The following CDH13 variants were observed in gnomAD, a reference collection of about 807,000 sequenced individuals.
CDH13 encodes cadherin 13.
A neutral mutation model predicts 63.8 loss-of-function variants in CDH13; 24 were observed. The ratio of observed to expected loss-of-function variants is 0.38; its 90% CI spans 0.27 to 0.53. The LOEUF is 0.53. Among genes scored for constraint, CDH13 ranks in the 20% least tolerant of loss-of-function variants. The pLI is 0.85. For synonymous variants in CDH13, 503 were observed against 355.3 expected (o/e 1.42, Z -4.67); for missense variants, 1,049 against 903.1 (o/e 1.16, Z -2.07).
In CDH13 at chr16:83,354,939, C is replaced by T. The variant is rs544268855; in HGVS notation, c.781+9933C>T. ...GCACCATATTGGTAGAATTGGGTAGCGGGGACACAGACTGTATATTCCACA... is the reference window on the plus strand; with the variant it reads ...GCACCATATTGGTAGAATTGGGTAGTGGGGACACAGACTGTATATTCCACA... On this transcript the variant is annotated intron_variant, in intron 6 of 13. Transcript: ENST00000567109. 3.9e-5 allele frequency among the ~76,000 whole-genome samples: 6 copies of T among 152,264 alleles called. No homozygotes were observed. In the East Asian group the frequency reaches 1.2e-3, roughly 29 times the overall value.
chr16:82,821,368 C>T (rs984831602), intron 1 of CDH13, among the ~76,000 whole-genome samples: 14 of 152,162 alleles, frequency 9.2e-5, no homozygotes, highest in African/African-American at 2.9e-4. Context: ...ACTAATGAGA[C>T]GATTCGAGGC....
intron 3 of CDH13, among the ~76,000 whole-genome samples, chr16:83,054,447 A>G (rs1365480467): frequency 6.6e-6 from 1 of 152,218 alleles, no homozygotes; most frequent in Non-Finnish European, 1.5e-5. Flanking sequence ...ATAACTACAC[A>G]GCTACTGAGT....
At chr16:83,369,771 T>C (rs1364447206) in intron 6 of CDH13, among the ~76,000 whole-genome samples, 1 of 152,078 alleles carries the variant, frequency 6.6e-6, no homozygotes, top group Non-Finnish European at 1.5e-5. Context: ...ACCCCACTCC[T>C]CCTAGGTCAC....
At chr16:82,750,214 G>A (rs1280660004) in intron 1 of CDH13, among the ~76,000 whole-genome samples, 1 of 152,170 alleles carries the variant, frequency 6.6e-6, no homozygotes, top group East Asian at 1.9e-4. Flanking sequence ...GATGGTGGGG[G>A]TATCTGTGGC....
chr16:83,320,258 C>A (rs1044212588), intron 5 of CDH13, among the ~76,000 whole-genome samples: 1 of 151,844 alleles, frequency 6.6e-6, no homozygotes, highest in African/African-American at 2.4e-5. Context: ...GTTGCCCAGG[C>A]TAGTCTCAAA....
chr16:82,907,428 A>T (rs1006889125), intron 2 of CDH13, among the ~76,000 whole-genome samples: 4 of 152,070 alleles, frequency 2.6e-5, no homozygotes, highest in African/African-American at 9.7e-5. Flanking sequence ...GATATAGTGA[A>T]TTTTCCCAAG....
intron 2 of CDH13, among the ~76,000 whole-genome samples, chr16:82,936,545 A>G (rs910810560): frequency 6.6e-6 from 1 of 152,148 alleles, no homozygotes; most frequent in African/African-American, 2.4e-5. Context: ...AAGACTGCTG[A>G]TCTATAGGGT....
chr16:83,199,624 T>C (rs1047632217), intron 4 of CDH13, among the ~76,000 whole-genome samples: 4 of 152,172 alleles, frequency 2.6e-5, no homozygotes, highest in Non-Finnish European at 5.9e-5. Context: ...GAAAAACATT[T>C]TAAACCCTTT....
At chr16:83,563,901 G>A (rs971952804) in intron 7 of CDH13, among the ~76,000 whole-genome samples, 29 of 152,122 alleles carry the variant, frequency 1.9e-4, no homozygotes, top group Non-Finnish European at 4.0e-4. Context: ...TGAAGTTACT[G>A]TGAGTGCACA....
At chr16:83,436,219 G>A (rs1350739550) in intron 6 of CDH13, among the ~76,000 whole-genome samples, 2 of 152,166 alleles carry the variant, frequency 1.3e-5, no homozygotes, top group Non-Finnish European at 2.9e-5. Flanking sequence ...TGCAACAAAT[G>A]ACTCTTGATC....
chr16:83,055,637 C>T (rs187376783), intron 3 of CDH13, among the ~76,000 whole-genome samples: 172 of 151,956 alleles, frequency 1.1e-3, no homozygotes, highest in African/African-American at 3.7e-3. Flanking sequence ...ATTCCAAGTC[C>T]AGATGGCTTC....
intron 1 of CDH13, among the ~76,000 whole-genome samples, chr16:82,722,711 A>T (rs925733409): frequency 3.9e-5 from 6 of 152,194 alleles, no homozygotes; most frequent in Non-Finnish European, 8.8e-5. Flanking sequence ...CTGCCATTGT[A>T]TGCAAGCTCT....
chr16:83,373,188 G>A (rs2091403408), intron 6 of CDH13, among the ~76,000 whole-genome samples: 1 of 152,160 alleles, frequency 6.6e-6, no homozygotes, highest in Non-Finnish European at 1.5e-5. Context: ...CATCCCAATA[G>A]GAAGCAGACG....
rs570829769 is a variant in CDH13, at chr16:83,623,598, GTC to G, written c.1101+21006_1101+21007del. Among the ~76,000 whole-genome samples, 18 of 152,270 alleles carry G rather than the reference GTC, an allele frequency of 1.2e-4. No homozygotes were observed. In the East Asian group the frequency reaches 3.5e-3, roughly 29 times the overall value. ...GGCAGCTCTACAAATAGGAACAGGT[GTC>G]TTTGCTAATCGCCCCTGAATGCACG... On this transcript the variant is annotated intron_variant, in intron 8 of 13. Transcript: ENST00000567109.
intron 1 of CDH13, among the ~76,000 whole-genome samples, chr16:82,838,878 T>C (rs9934566): frequency 0.32 from 48,369 of 152,094 alleles, 8,883 homozygotes; most frequent in East Asian, 0.81. Context: ...CTCTGGCTTT[T>C]AGTGGGTTCA....
chr16:83,647,312 CAAA>C (rs772041222), intron 8 of CDH13, among the ~76,000 whole-genome samples: 17 of 86,392 alleles, frequency 2.0e-4, no homozygotes, highest in East Asian at 4.3e-4. Flanking sequence ...GACTCTGTCT[CAAA>C]AAAAAAAAAA....
At chr16:83,681,945 G>A (rs1001531973) in intron 10 of CDH13, among the ~76,000 whole-genome samples, 6 of 152,146 alleles carry the variant, frequency 3.9e-5, no homozygotes, top group South Asian at 2.1e-4. Context: ...AACTTAGCTG[G>A]AAAAGAACTC....
intron 4 of CDH13, among the ~76,000 whole-genome samples, chr16:83,145,945 G>C (rs2036727745): frequency 1.3e-5 from 2 of 152,136 alleles, no homozygotes; most frequent in African/African-American, 4.8e-5. Flanking sequence ...CCGGATGCTG[G>C]AACTTTGGGA....
At position 83,783,422 on chromosome 16, in the gene CDH13, T is replaced by C; in HGVS notation, c.2084T>C (p.Leu695Pro). 1 of 1,613,998 alleles carries C rather than the reference T, an allele frequency of 6.2e-7. No homozygotes were observed. The highest frequency in any genetic ancestry group is 8.5e-7 in the Non-Finnish European group (1 of 1,179,876). ...GTGGACTGCAACGCGGCAGGGGCCC[T>C]GCGCTTCAGCCTGCCCTCAGTCCTG... ...SKVDCNAAGALRFSLPSVLLL... is the reference protein window; with the variant it reads ...SKVDCNAAGAPRFSLPSVLLL... Residue 695 changes from leucine to proline, a missense_variant, in exon 13 of 14, where the codon CTG becomes CCG. Leu to Pro is a moderately conservative substitution (Grantham distance 98). Transcript: ENST00000567109.
Sources: gnomAD v4.1 joint callset for allele counts (sites outside exome capture counted in the v4.1 genomes callset) on GRCh38, gnomAD v4.1.1 for gene constraint, MANE v1.5 for transcripts, NCBI Gene and HGNC (gene_info 2026-07-23, HGNC 2026-07-21) for gene names.